The following ITGA2 variants were observed in gnomAD, a reference collection of about 807,000 sequenced individuals.
ITGA2 encodes the protein integrin subunit alpha 2, also known as integrin alpha-2.
Under a neutral mutation model 146.3 loss-of-function variants are expected in ITGA2, and 101 were observed. That is an observed-to-expected ratio of 0.69 (90% CI 0.59 to 0.81). The LOEUF (loss-of-function observed/expected upper bound fraction) is 0.81, where lower values mean the gene tolerates loss of function less well. ITGA2 is among the 40% of genes least tolerant of loss of function. ITGA2 has a pLI of 0.00. For synonymous variants in ITGA2, 477 were observed against 487.1 expected (o/e 0.98, Z 0.27); for missense variants, 1,281 against 1,402.7 (o/e 0.91, Z 1.39).
At chr5:53,055,903 G>A (rs566054262) in intron 8 of ITGA2, 81 bp from the exon 9 acceptor site, 2 of 1,382,162 alleles carry the variant, frequency 1.4e-6, no homozygotes, top group South Asian at 2.4e-5. Context: ...AGGGAATATT[G>A]TGTTCAAAAT....
intron 1 of ITGA2, among the ~76,000 whole-genome samples, chr5:52,990,648 A>G (rs1243816260): frequency 2.7e-5 from 4 of 148,678 alleles, no homozygotes; most frequent in Admixed American, 6.8e-5. Flanking sequence ...GCCACTTGCT[A>G]TTCTTTATTG....
At chr5:53,042,012 A>G (rs1241231885) in intron 2 of ITGA2, 100 bp from the exon 3 acceptor site, 1 of 795,912 alleles carries the variant, frequency 1.3e-6, no homozygotes, top group Non-Finnish European at 2.2e-6. Flanking sequence ...TAAACTGTTC[A>G]CATTGAAATT....
chr5:53,045,733 T>C (rs1744048723), intron 4 of ITGA2, among the ~76,000 whole-genome samples: 1 of 151,772 alleles, frequency 6.6e-6, no homozygotes, highest in South Asian at 2.1e-4. Context: ...AGTTTAGAGC[T>C]AATAGAAAAA....
At chr5:52,995,152 C>A (rs2111663513) in intron 1 of ITGA2, among the ~76,000 whole-genome samples, 1 of 152,224 alleles carries the variant, frequency 6.6e-6, no homozygotes, top group South Asian at 2.1e-4. Context: ...AAGTTGTTCC[C>A]AGAGAGTGAA....
intron 18 of ITGA2, 77 bp from the exon 19 acceptor site, chr5:53,072,535 TA>T: frequency 1.1e-6 from 1 of 883,188 alleles, no homozygotes; most frequent in Non-Finnish European, 1.9e-6. Flanking sequence ...GTAAATAGAA[TA>T]ATATTCTATG....
chr5:53,086,686 C>T (rs1330491368), intron 27 of ITGA2, among the ~76,000 whole-genome samples: 3 of 152,140 alleles, frequency 2.0e-5, no homozygotes. Flanking sequence ...ATATTTTAAC[C>T]TACTCATGTC....
At position 53,072,714 on chromosome 5, in the gene ITGA2, CTTG is replaced by C. The variant is rs1745459589; in HGVS notation, c.2429+24_2429+26del. ...CTGCTCAGTAAGTTTTACTTTAAAG[CTTG>C]TTGTAAAATGTAGAAATAAAAGACA... is the stretch of plus-strand genomic sequence containing the variant. On this transcript the variant is annotated intron_variant, in intron 19 of 29. Coordinates refer to ENST00000296585, the MANE Select transcript of ITGA2 (RefSeq NM_002203.4). 9 of 1,573,906 alleles carry C rather than the reference CTTG, an allele frequency of 5.7e-6. No individual in the cohort carries two copies. In the East Asian group the frequency reaches 1.6e-4, roughly 28 times the overall value.
At chr5:53,027,898 C>G (rs1579818950) in intron 2 of ITGA2, among the ~76,000 whole-genome samples, 1 of 152,200 alleles carries the variant, frequency 6.6e-6, no homozygotes, top group African/African-American at 2.4e-5. Context: ...CTGGGCAACA[C>G]AGTGAGACCT....
At chr5:53,049,816 A>G (rs2111917686) in intron 6 of ITGA2, among the ~76,000 whole-genome samples, 1 of 152,160 alleles carries the variant, frequency 6.6e-6, no homozygotes, top group South Asian at 2.1e-4. Flanking sequence ...CATGGATTGC[A>G]TCTTATACTC....
Position 53,075,213 on chromosome 5 carries a change from T to C in ITGA2, c.2742-8T>C. The C allele has an allele frequency of 6.2e-7, 1 of 1,612,044 alleles. No individual in the cohort carries two copies. Among genetic ancestry groups the C allele is most frequent in the Non-Finnish European group, 8.5e-7 (1 of 1,178,684 alleles). On this transcript the variant is annotated splice_polypyrimidine_tract_variant and splice_region_variant and intron_variant, in intron 22 of 29. Transcript: ENST00000296585. Reference sequence around the variant, plus strand: ...CTTTAAGTAATTTCCTAATGTTTCTTTCTATAGTGAAAGCCAAGAAGAAAA... The same window carrying C: ...CTTTAAGTAATTTCCTAATGTTTCTCTCTATAGTGAAAGCCAAGAAGAAAA...
chr5:53,032,728 A>C (rs946379886), intron 2 of ITGA2, among the ~76,000 whole-genome samples: 9 of 152,222 alleles, frequency 5.9e-5, no homozygotes, highest in Non-Finnish European at 1.2e-4. Context: ...CAATGTTAGC[A>C]TCATTGGCTT....
At chr5:53,076,548 T>C (rs1022127956) in intron 23 of ITGA2, among the ~76,000 whole-genome samples, 5 of 151,946 alleles carry the variant, frequency 3.3e-5, no homozygotes, top group Non-Finnish European at 7.4e-5. Flanking sequence ...AAATAAGAAA[T>C]TGGAAACAAA....
At chr5:52,996,586 C>T (rs1561276379) in intron 1 of ITGA2, among the ~76,000 whole-genome samples, 1 of 152,146 alleles carries the variant, frequency 6.6e-6, no homozygotes, top group Non-Finnish European at 1.5e-5. Context: ...AAAGGTACCT[C>T]CCATCCTCCA....
chr5:53,054,582 C>G (rs575776270), intron 7 of ITGA2, among the ~76,000 whole-genome samples: 1 of 151,940 alleles, frequency 6.6e-6, no homozygotes, highest in African/African-American at 2.4e-5. Context: ...AATGGGGAAC[C>G]GGTTAAATAA....
At chr5:52,995,784 A>G (rs1741212872) in intron 1 of ITGA2, among the ~76,000 whole-genome samples, 1 of 152,228 alleles carries the variant, frequency 6.6e-6, no homozygotes, top group South Asian at 2.1e-4. Context: ...AACTGAAGAT[A>G]GGACATTAAC....
At chr5:53,034,687 C>T (rs561391292) in intron 2 of ITGA2, among the ~76,000 whole-genome samples, 1 of 152,118 alleles carries the variant, frequency 6.6e-6, no homozygotes, top group South Asian at 2.1e-4. Flanking sequence ...GAATAAAGTT[C>T]ATTTACAAAG....
intron 1 of ITGA2, among the ~76,000 whole-genome samples, chr5:53,005,574 CTG>C (rs752339869): frequency 1.1e-4 from 8 of 69,806 alleles, no homozygotes; most frequent in Admixed American, 1.9e-4. Flanking sequence ...GAGCGAGACT[CTG>C]TGTCAAAAAA....
chr5:52,992,031 T>A (rs956314180), intron 1 of ITGA2, among the ~76,000 whole-genome samples: 2 of 152,196 alleles, frequency 1.3e-5, no homozygotes, highest in African/African-American at 4.8e-5. Flanking sequence ...CTTTTCTTAC[T>A]ATCCCTGAAA....
chr5:53,047,002 A>T (rs768133438), intron 4 of ITGA2, among the ~76,000 whole-genome samples: 1 of 152,198 alleles, frequency 6.6e-6, no homozygotes, highest in Non-Finnish European at 1.5e-5. Flanking sequence ...ATAGAAACCA[A>T]TAATTAGTAT....
Sources: gnomAD v4.1 joint callset for allele counts (sites outside exome capture counted in the v4.1 genomes callset) on GRCh38, gnomAD v4.1.1 for gene constraint, MANE v1.5 for transcripts, NCBI Gene and HGNC (gene_info 2026-07-23, HGNC 2026-07-21) for gene names.